Variants in EHMT1 observed in about 807,000 individuals in gnomAD.
EHMT1 encodes the protein euchromatic histone lysine methyltransferase 1, also known as histone-lysine N-methyltransferase EHMT1.
EHMT1 carries 15 observed loss-of-function variants against 147.2 expected under a neutral mutation model. That is an observed-to-expected ratio of 0.10 (90% confidence interval 0.07 to 0.16). The LOEUF (loss-of-function observed/expected upper bound fraction) is 0.16. Ranked by LOEUF, EHMT1 falls within the 10% of genes least tolerant of loss-of-function variation. The pLI is 1.00. For missense variants in EHMT1, 1,587 were observed against 1,772.4 expected (o/e 0.90, Z 1.88); for synonymous variants, 795 against 709.6 (o/e 1.12, Z -1.91).
Position 137,834,912 on chromosome 9 carries a change from T to C in EHMT1, c.3856T>C (p.Leu1286=). 6.3e-7 allele frequency: 1 copy of C among 1,590,566 alleles called. No individual in the cohort carries two copies. Among genetic ancestry groups the C allele is most frequent in the East Asian group, 2.3e-5 (1 of 43,978 alleles). ...SAAQEAQEDG[L]PDTSSAAAAD... ...GGCCCAGGAGGCCCAGGAGGACGGC[T>C]TGCCCGACACCAGCTCCGCGGCTGC... The change falls in exon 27 of 27, where the codon TTG becomes CTG. Residue 1286 remains leucine (L), a synonymous_variant. Coordinates refer to ENST00000460843, the MANE Select transcript of EHMT1 (RefSeq NM_024757.5).
intron 6 of EHMT1, among the ~76,000 whole-genome samples, chr9:137,749,764 A>G (rs1179235594): frequency 1.3e-5 from 2 of 152,234 alleles, no homozygotes; most frequent in Non-Finnish European, 2.9e-5. Flanking sequence ...GAGTTTTGGA[A>G]GGAAGTGGAG....
chr9:137,776,542 A>G lies in EHMT1; in HGVS notation c.1792-76A>G, dbSNP rs2136680841. 1 of 1,453,616 alleles carries G rather than the reference A, an allele frequency of 6.9e-7. No homozygotes were observed. The highest frequency in any genetic ancestry group is 2.4e-5 in the East Asian group (1 of 42,016). The allele number at this position is 1,453,616 out of a possible 1,614,324, so 90.0% of individuals were successfully genotyped here. A position where few individuals can be genotyped will look rare whatever the true frequency, so the allele number is the denominator to read the frequency against. On this transcript the variant is annotated intron_variant, in intron 11 of 26. Transcript: ENST00000460843. The surrounding 1 kb of genome is among the most constrained non-coding windows in gnomAD (Gnocchi z 4.4). ...ACCGCCCGATGTGGGATGCGGTGCC[A>G]GTTTAGTAGTACTTTATTTTTCTAA...
At chr9:137,830,145 T>C (rs1588925255) in intron 25 of EHMT1, among the ~76,000 whole-genome samples, 1 of 152,090 alleles carries the variant, frequency 6.6e-6, no homozygotes, top group African/African-American at 2.4e-5. Context: ...TGATCAGTTA[T>C]AGCCATTCTT....
chr9:137,731,784 G>A lies in EHMT1; in HGVS notation c.823+3255G>A, dbSNP rs866094750. ...GAGGGCAAGCCAGGAGTGGAGCAGC[G>A]AGGCGTGTGTTGACGAGCAAGCATG... On this transcript the variant is annotated intron_variant, in intron 4 of 26. Coordinates refer to ENST00000460843, the MANE Select transcript of EHMT1 (RefSeq NM_024757.5). This position sits in a 1 kb window ranked among gnomAD's most constrained non-coding sequence, Gnocchi z 4.3. Among the ~76,000 whole-genome samples, 128 of 152,310 alleles carry A rather than the reference G, an allele frequency of 8.4e-4. No individual in the cohort carries two copies. The highest frequency in any genetic ancestry group is 3.0e-3 in the African/African-American group (124 of 41,572).
intron 1 of EHMT1, among the ~76,000 whole-genome samples, chr9:137,657,130 G>A (rs1490779670): frequency 1.3e-5 from 2 of 152,162 alleles, no homozygotes; most frequent in Non-Finnish European, 2.9e-5. Context: ...CAAAACAGAC[G>A]GAACTTGTGT....
chr9:137,661,315 A>G (rs541280719), intron 1 of EHMT1, among the ~76,000 whole-genome samples: 1 of 152,152 alleles, frequency 6.6e-6, no homozygotes, highest in East Asian at 1.9e-4. Flanking sequence ...ATATTTTCCT[A>G]TTTAGGATGG....
chr9:137,822,930 GTTGT>G (rs897196855), intron 25 of EHMT1, among the ~76,000 whole-genome samples: 45 of 151,104 alleles, frequency 3.0e-4, no homozygotes, highest in African/African-American at 9.2e-4. Flanking sequence ...TGTTGTTGTT[GTTGT>G]TTGTTTGTTT....
chr9:137,801,777 T>TA (rs1953512625), intron 18 of EHMT1, among the ~76,000 whole-genome samples: 1 of 151,908 alleles, frequency 6.6e-6, no homozygotes, highest in East Asian at 1.9e-4. Flanking sequence ...GGATTACAGG[T>TA]GTGAGCCACT....
intron 25 of EHMT1, among the ~76,000 whole-genome samples, chr9:137,824,815 A>C (rs999377870): frequency 2.6e-5 from 4 of 152,110 alleles, no homozygotes; most frequent in African/African-American, 9.7e-5. Context: ...GAAATACTTG[A>C]TTTTTTTGTG....
At chr9:137,807,295 C>G (rs183769119) in intron 18 of EHMT1, among the ~76,000 whole-genome samples, 5 of 152,024 alleles carry the variant, frequency 3.3e-5, no homozygotes, top group African/African-American at 1.2e-4. Context: ...GGTTTGTCTT[C>G]TAGTCCACTC....
At chr9:137,808,399 G>T (rs1199028307) in intron 18 of EHMT1, among the ~76,000 whole-genome samples, 1 of 152,168 alleles carries the variant, frequency 6.6e-6, no homozygotes, top group Non-Finnish European at 1.5e-5. Context: ...CGCCTCTCAG[G>T]GGCACGGTCC....
intron 1 of EHMT1, among the ~76,000 whole-genome samples, chr9:137,653,666 T>C (rs1260920452): frequency 1.3e-5 from 2 of 152,130 alleles, no homozygotes; most frequent in South Asian, 2.1e-4. Flanking sequence ...GTAGCTGGGA[T>C]GACAGGCATG....
intron 25 of EHMT1, 40 bp from the exon 26 acceptor site, chr9:137,834,309 C>T: frequency 1.2e-6 from 2 of 1,610,180 alleles, no homozygotes; most frequent in East Asian, 4.5e-5. Context: ...CGTGTCGGGG[C>T]CTTGCTAACT....
rs1174671620 is a variant in EHMT1 at position 137,786,478 on chromosome 9, T to G, written c.2382+4081T>G. On this transcript the variant is annotated intron_variant, in intron 15 of 26. Coordinates refer to ENST00000460843, the MANE Select transcript of EHMT1 (RefSeq NM_024757.5). The surrounding 1 kb of genome is among the most constrained non-coding windows in gnomAD (Gnocchi z 4.3). ...TGTCTCACATCTCACACACACTCTT[T>G]GGGCAGGCTCTGGCCACACCAGTGA... 1 of 152,640 alleles carries G rather than the reference T, an allele frequency of 6.6e-6. No homozygotes were observed. Among genetic ancestry groups the G allele is most frequent in the East Asian group, 1.9e-4 (1 of 5,198 alleles). The allele number at this position is 152,640 out of a possible 1,614,324, so 9.5% of individuals were successfully genotyped here.
rs565675670 is a variant in EHMT1 at position 137,782,540 on chromosome 9, C to T, written c.2382+143C>T. 6 of 773,588 alleles carry T rather than the reference C, an allele frequency of 7.8e-6. No homozygotes were observed. Among genetic ancestry groups the T allele is most frequent in the Admixed American group, 2.1e-5 (1 of 48,672 alleles). The allele number at this position is 773,588 out of a possible 1,614,324, so 47.9% of individuals were successfully genotyped here. On this transcript the variant is annotated intron_variant, in intron 15 of 26. Transcript: ENST00000460843. This position sits in a 1 kb window ranked among gnomAD's most constrained non-coding sequence, Gnocchi z 5.7. ...CGGGCACAGAGTCAGCTTTTCTGCC[C>T]CCGAGTCCTGCAGGTGGATCAGTGC...
chr9:137,659,588 G>C (rs1938857608), intron 1 of EHMT1, among the ~76,000 whole-genome samples: 2 of 148,188 alleles, frequency 1.3e-5, no homozygotes, highest in South Asian at 4.3e-4. Flanking sequence ...CAGAGTCTCT[G>C]TTGCCCAGGC....
At chr9:137,781,985 C>T (rs1407238857) in intron 14 of EHMT1, among the ~76,000 whole-genome samples, 2 of 152,144 alleles carry the variant, frequency 1.3e-5, no homozygotes, top group East Asian at 1.9e-4. Context: ...GGGCCTGGGG[C>T]GGCCATGGCC....
At chr9:137,758,069 T>G (rs1312775838) in intron 9 of EHMT1, 58 bp downstream of exon 9, 2 of 1,611,284 alleles carry the variant, frequency 1.2e-6, no homozygotes, top group Non-Finnish European at 1.7e-6. Context: ...TCTTCTGGGC[T>G]CCTTCCTCTG....
At chr9:137,643,542 G>T (rs1349116145) in intron 1 of EHMT1, among the ~76,000 whole-genome samples, 1 of 151,858 alleles carries the variant, frequency 6.6e-6, no homozygotes, top group Admixed American at 6.6e-5. Flanking sequence ...TAGAGACGGG[G>T]TTTCACCGTG....
Sources: gnomAD v4.1 joint callset for allele counts (sites outside exome capture counted in the v4.1 genomes callset) on GRCh38, gnomAD v4.1.1 for gene constraint, Gnocchi (gnomAD v3.1) non-coding constraint, MANE v1.5 for transcripts, NCBI Gene and HGNC (gene_info 2026-07-23, HGNC 2026-07-21) for gene names.